Variants in TGM7 observed in about 807,000 individuals in gnomAD.
The protein encoded by TGM7 is transglutaminase 7.
Under a neutral mutation model 79.5 loss-of-function variants are expected in TGM7, and 74 were observed. The observed-to-expected ratio is 0.93, with a 90% CI of 0.77 to 1.13. TGM7 has a LOEUF of 1.13. TGM7 is among the 50% of genes most tolerant of loss of function. TGM7 has a pLI of 0.00. For missense variants in TGM7, 912 were observed against 905.9 expected (o/e 1.01, Z -0.09); for synonymous variants, 354 against 362.5 (o/e 0.98, Z 0.27).
intron 6 of TGM7, among the ~76,000 whole-genome samples, chr15:43,286,102 G>A (rs2042934630): frequency 6.6e-6 from 1 of 152,194 alleles, no homozygotes; most frequent in Non-Finnish European, 1.5e-5. Flanking sequence ...TTGGTTCACT[G>A]AAGAGCCCCC....
chr15:43,299,322 C>T (rs535472417), intron 1 of TGM7, among the ~76,000 whole-genome samples: 28 of 152,268 alleles, frequency 1.8e-4, no homozygotes, highest in African/African-American at 6.5e-4. Context: ...GCAGCGAGAG[C>T]CCTGTCACAA....
chr15:43,296,150 G>C (rs1039989468), intron 1 of TGM7, among the ~76,000 whole-genome samples: 39 of 152,214 alleles, frequency 2.6e-4, no homozygotes, highest in African/African-American at 8.0e-4. Context: ...AAGCAGCCGG[G>C]TGAGGTGGCT....
chr15:43,296,445 A>T (rs975634523), intron 1 of TGM7, among the ~76,000 whole-genome samples: 1 of 150,486 alleles, frequency 6.6e-6, no homozygotes, highest in Non-Finnish European at 1.5e-5. Context: ...AAAAAAAAAA[A>T]GTCAGAGAGC....
chr15:43,287,202 C>T (rs1280864860), intron 6 of TGM7, 78 bp downstream of exon 6: 1 of 1,511,308 alleles, frequency 6.6e-7, no homozygotes, highest in African/African-American at 1.4e-5. Flanking sequence ...GGGCAAGCTA[C>T]TGAACCTTTA....
chr15:43,288,627 G>T (rs1206077976), intron 4 of TGM7, among the ~76,000 whole-genome samples: 1 of 151,966 alleles, frequency 6.6e-6, no homozygotes, highest in African/African-American at 2.4e-5. Context: ...AAATAATATG[G>T]TATCTGTAAT....
At chr15:43,298,567 A>G (rs1266263828) in intron 1 of TGM7, among the ~76,000 whole-genome samples, 1 of 152,174 alleles carries the variant, frequency 6.6e-6, no homozygotes, top group African/African-American at 2.4e-5. Context: ...ATCCTGGCCA[A>G]TATGTTGAAA....
At chr15:43,299,608 C>G (rs2043016671) in intron 1 of TGM7, among the ~76,000 whole-genome samples, 2 of 152,216 alleles carry the variant, frequency 1.3e-5, no homozygotes, top group Admixed American at 1.3e-4. Flanking sequence ...AGGGCAAATT[C>G]TATCCAGTGC....
At chr15:43,300,686 A>G (rs1448437599) in intron 1 of TGM7, among the ~76,000 whole-genome samples, 1 of 152,162 alleles carries the variant, frequency 6.6e-6, no homozygotes, top group Non-Finnish European at 1.5e-5. Context: ...CTGTAGTCCC[A>G]GCTACTCGGG....
chr15:43,287,434 G>C lies in TGM7; in HGVS notation c.711C>G (p.Gly237=). 1 of 1,614,048 alleles carries C rather than the reference G, an allele frequency of 6.2e-7. No homozygotes were observed. ...SAMINSNDDN[G]VLQGNWGEDY... Reference sequence around the variant, plus strand: ...CCTCGCCCCAGTTCCCCTGCAGCACGCCATTGTCATCGTTGCTGTTGATCT... The same window carrying C: ...CCTCGCCCCAGTTCCCCTGCAGCACCCCATTGTCATCGTTGCTGTTGATCT... Residue 237 remains glycine (G), a synonymous_variant, in exon 6 of 13, where the codon GGC becomes GGG. Transcript: ENST00000452443.
Position 43,293,496 on chromosome 15 carries a change from C to T in TGM7, c.146G>A (p.Arg49Gln). Residue 49 changes from arginine to glutamine, a missense_variant, in exon 2 of 13, where the codon CGA becomes CAA. Transcript: ENST00000452443. ...GTGGTCGTTCTGGGACTGGAAGGGT[C>T]GGCTGAAGCTCAGCCGGAGGTAGAA... ...QPFYLRLSFS[R>Q]PFQSQNDHIT... is the part of the protein sequence containing the mutation. The T allele has an allele frequency of 6.2e-7, 1 of 1,611,166 alleles. No homozygotes were observed. Among genetic ancestry groups the T allele is most frequent in the Non-Finnish European group, 8.5e-7 (1 of 1,179,120 alleles).
intron 7 of TGM7, among the ~76,000 whole-genome samples, chr15:43,283,903 C>A (rs1203305542): frequency 6.6e-6 from 1 of 152,206 alleles, no homozygotes; most frequent in African/African-American, 2.4e-5. Flanking sequence ...AGTTCTTACA[C>A]AACTCAAGGA....
chr15:43,301,846 A>C (rs1386354474), intron 1 of TGM7, among the ~76,000 whole-genome samples: 1 of 151,940 alleles, frequency 6.6e-6, no homozygotes, highest in Non-Finnish European at 1.5e-5. Flanking sequence ...TCAGGGGAGA[A>C]GCTGGACAAG....
chr15:43,295,020 G>C (rs1345173810), intron 1 of TGM7, among the ~76,000 whole-genome samples: 2 of 151,974 alleles, frequency 1.3e-5, no homozygotes, highest in Non-Finnish European at 2.9e-5. Flanking sequence ...TCCCATCTCA[G>C]CTTCACAAGT....
At chr15:43,282,274 C>G (rs1487303454) in intron 8 of TGM7, among the ~76,000 whole-genome samples, 188 bp from the exon 9 acceptor site, 2 of 152,218 alleles carry the variant, frequency 1.3e-5, no homozygotes, top group African/African-American at 4.8e-5. Flanking sequence ...CAATGCTCAT[C>G]ATCAGCTTTT....
chr15:43,282,624 C>A lies in TGM7; in HGVS notation c.1005-4G>T. The A allele has an allele frequency of 6.3e-7, 1 of 1,587,506 alleles. No individual in the cohort carries two copies. Among genetic ancestry groups the A allele is most frequent in the Non-Finnish European group, 8.6e-7 (1 of 1,165,644 alleles). ...CTCATTCCAGACGTGGAAGTTCCTG[C>A]AGGAGGGAGTAAGGAGACAAGGATT... On this transcript the variant is annotated splice_region_variant and splice_polypyrimidine_tract_variant and intron_variant, in intron 7 of 12. Coordinates refer to ENST00000452443, the MANE Select transcript of TGM7 (RefSeq NM_052955.3).
intron 10 of TGM7, 61 bp from the exon 11 acceptor site, chr15:43,279,338 T>G: frequency 6.5e-7 from 1 of 1,549,530 alleles, no homozygotes; most frequent in Non-Finnish European, 8.8e-7. Context: ...GGGGGACATG[T>G]AGATGTGAGA....
At chr15:43,277,293 C>T (rs1036059243) in intron 11 of TGM7, among the ~76,000 whole-genome samples, 5 of 152,184 alleles carry the variant, frequency 3.3e-5, no homozygotes, top group African/African-American at 1.2e-4. Context: ...AATGGAAGTG[C>T]CAGCTCCAGT....
chr15:43,276,295 T>C lies in TGM7; in HGVS notation c.*160A>G. On this transcript the variant is annotated 3_prime_UTR_variant, in exon 13 of 13. Coordinates refer to ENST00000452443, the MANE Select transcript of TGM7 (RefSeq NM_052955.3). ...ATGCTGGTGATAAATAAAGACATCT[T>C]TATTGTCTCTTCCCAAAGCACACGG... The C allele has an allele frequency of 1.2e-6, 1 of 856,862 alleles. No homozygotes were observed. The highest frequency in any genetic ancestry group is 1.8e-5 in the South Asian group (1 of 55,480). 53.1% of individuals were successfully genotyped at this position (856,862 alleles called of 1,614,324 possible).
rs371409061 is a variant in TGM7, at chr15:43,292,777, T to C, written c.371A>G (p.Gln124Arg). 1.3e-4 allele frequency: 208 copies of C among 1,614,076 alleles called. No homozygotes were observed. Among genetic ancestry groups the C allele is most frequent in the Non-Finnish European group, 1.7e-4 (205 of 1,180,042 alleles). The change falls in exon 3 of 13, where the codon CAG (glutamine) becomes CGG (arginine). Residue 124 changes from glutamine to arginine, a missense_variant. Coordinates refer to ENST00000452443, the MANE Select transcript of TGM7 (RefSeq NM_052955.3). ...GTAAGTCACACTGTGACCTTGGCCC[T>C]GAGAGATCTCTATTTTCAGAGTGTA... ...GHYTLKIEIS[Q>R]GQGHSVTYPL...
Sources: allele counts gnomAD v4.1 joint callset (sites outside exome capture counted in the v4.1 genomes callset), GRCh38; gene constraint gnomAD v4.1.1; transcripts MANE v1.5; gene names NCBI Gene and HGNC (gene_info 2026-07-23, HGNC 2026-07-21).